Variants in PLXNA4 observed in about 807,000 individuals in gnomAD.
PLXNA4 encodes plexin A4.
In PLXNA4, 44 loss-of-function variants were observed where a neutral mutation model predicts 191.8. The observed-to-expected ratio is 0.23, with a 90% CI of 0.18 to 0.29. The LOEUF is 0.29. Ranked by LOEUF, PLXNA4 falls within the 10% of genes least tolerant of loss-of-function variation. The pLI is 1.00. For synonymous variants in PLXNA4, 1,082 were observed against 1,009.5 expected (o/e 1.07, Z -1.36); for missense variants, 1,800 against 2,488.8 (o/e 0.72, Z 5.89).
At chr7:132,330,197 G>A (rs948271048) in intron 3 of PLXNA4, among the ~76,000 whole-genome samples, 4 of 152,202 alleles carry the variant, frequency 2.6e-5, no homozygotes, top group African/African-American at 9.6e-5. Context: ...GACCTGGATT[G>A]TTTGGGGGCA....
intron 1 of PLXNA4, among the ~76,000 whole-genome samples, chr7:132,647,071 TCATA>T (rs1326675370): frequency 2.0e-5 from 3 of 150,962 alleles, no homozygotes; most frequent in Non-Finnish European, 4.4e-5. Context: ...ACACATGCTG[TCATA>T]CATTCACAAA....
At chr7:132,406,667 A>C (rs1279055125) in intron 3 of PLXNA4, among the ~76,000 whole-genome samples, 1 of 152,212 alleles carries the variant, frequency 6.6e-6, no homozygotes, top group Non-Finnish European at 1.5e-5. Flanking sequence ...TACCTCATCC[A>C]GCCTTCTGTT....
At chr7:132,417,019 G>A (rs1794684134) in intron 3 of PLXNA4, among the ~76,000 whole-genome samples, 1 of 152,020 alleles carries the variant, frequency 6.6e-6, no homozygotes, top group African/African-American at 2.4e-5. Flanking sequence ...ATCCTGCCAT[G>A]CCTATATAAG....
At chr7:132,282,971 G>A (rs891555892) in intron 4 of PLXNA4, among the ~76,000 whole-genome samples, 1 of 151,796 alleles carries the variant, frequency 6.6e-6, no homozygotes, top group Non-Finnish European at 1.5e-5. Context: ...CGATCTCCTG[G>A]GCTCAAGTGA....
chr7:132,647,252 C>T (rs1488190737), intron 1 of PLXNA4, among the ~76,000 whole-genome samples: 3 of 151,414 alleles, frequency 2.0e-5, no homozygotes, highest in African/African-American at 7.3e-5. Context: ...GACATACACA[C>T]AGACATGCAG....
chr7:132,491,506 C>T (rs1351888954), intron 2 of PLXNA4, among the ~76,000 whole-genome samples: 1 of 152,146 alleles, frequency 6.6e-6, no homozygotes, highest in Non-Finnish European at 1.5e-5. Context: ...ACGGGGAGAG[C>T]GTGGGCAAGC....
intron 3 of PLXNA4, among the ~76,000 whole-genome samples, chr7:132,300,687 C>T (rs1054227762): frequency 1.3e-5 from 2 of 152,204 alleles, no homozygotes; most frequent in African/African-American, 2.4e-5. Flanking sequence ...CCAAGTCTGA[C>T]CGTGCAATGA....
intron 3 of PLXNA4, among the ~76,000 whole-genome samples, chr7:132,321,812 C>T (rs971809841): frequency 1.3e-5 from 2 of 151,826 alleles, no homozygotes; most frequent in African/African-American, 4.8e-5. Context: ...AGCCTGTATG[C>T]GGGTGGCCAC....
At chr7:132,350,500 T>C (rs1051229303) in intron 3 of PLXNA4, among the ~76,000 whole-genome samples, 1 of 151,830 alleles carries the variant, frequency 6.6e-6, no homozygotes, top group Non-Finnish European at 1.5e-5. Flanking sequence ...TGGGAGTCTG[T>C]CTCAAAAAAT....
At chr7:132,167,108 C>T (rs1008394803) in intron 22 of PLXNA4, among the ~76,000 whole-genome samples, 1 of 152,096 alleles carries the variant, frequency 6.6e-6, no homozygotes, top group African/African-American at 2.4e-5. Flanking sequence ...AATGACATGA[C>T]GTGGGAGTTT....
intron 3 of PLXNA4, among the ~76,000 whole-genome samples, chr7:132,426,090 C>T (rs2117170034): frequency 6.6e-6 from 1 of 152,370 alleles, no homozygotes; most frequent in East Asian, 1.9e-4. Flanking sequence ...GGATTCATTC[C>T]TGCCTCAGAA....
chr7:132,166,085 T>G (rs973689747), intron 22 of PLXNA4, among the ~76,000 whole-genome samples: 4 of 151,964 alleles, frequency 2.6e-5, no homozygotes, highest in African/African-American at 9.7e-5. Context: ...TAACCCCAGC[T>G]ACTTGGGAGG....
chr7:132,585,047 A>T (rs992612960), intron 2 of PLXNA4, among the ~76,000 whole-genome samples: 1 of 152,046 alleles, frequency 6.6e-6, no homozygotes, highest in Admixed American at 6.6e-5. Context: ...GCCTAGGCAG[A>T]CAGCTCGGTG....
At chr7:132,330,153 G>A (rs1802534712) in intron 3 of PLXNA4, among the ~76,000 whole-genome samples, 2 of 152,282 alleles carry the variant, frequency 1.3e-5, no homozygotes, top group East Asian at 1.9e-4. Flanking sequence ...ACTAGTATAA[G>A]GCACAGCCAG....
At chr7:132,246,094 T>C (rs1799040859) in intron 4 of PLXNA4, among the ~76,000 whole-genome samples, 1 of 152,204 alleles carries the variant, frequency 6.6e-6, no homozygotes, top group Non-Finnish European at 1.5e-5. Flanking sequence ...TTATGTGTAT[T>C]TTACCACAAT....
intron 1 of PLXNA4, among the ~76,000 whole-genome samples, chr7:132,535,308 G>A (rs1348212193): frequency 6.6e-6 from 1 of 152,230 alleles, no homozygotes; most frequent in African/African-American, 2.4e-5. Context: ...AAACATCAGA[G>A]ACCAAACGTC....
At position 132,511,051 on chromosome 7, in the gene PLXNA4, G is replaced by A. The variant is rs1011527454; in HGVS notation, c.-86-2272C>T. The stretch of plus-strand genomic sequence containing the variant: ...TGCAGAAGGAGAGTTTGGAGCTGAG[G>A]GTCTGTGAACTCCACAGGGCAGGGC... On this transcript the variant is annotated intron_variant, in intron 1 of 31. Coordinates refer to ENST00000321063, the MANE Select transcript of PLXNA4 (RefSeq NM_020911.2). 3.3e-5 allele frequency among the ~76,000 whole-genome samples: 5 copies of A among 152,060 alleles called. No individual in the cohort carries two copies. The East Asian group carries it at 7.7e-4, about 23-fold the overall frequency.
At chr7:132,279,614 G>A (rs1403928510) in intron 4 of PLXNA4, among the ~76,000 whole-genome samples, 1 of 151,988 alleles carries the variant, frequency 6.6e-6, no homozygotes, top group Non-Finnish European at 1.5e-5. Flanking sequence ...CAGTCTGGGA[G>A]ACAGAGTGAG....
intron 29 of PLXNA4, among the ~76,000 whole-genome samples, chr7:132,141,190 C>T (rs1249948683): frequency 6.6e-6 from 1 of 152,160 alleles, no homozygotes; most frequent in Non-Finnish European, 1.5e-5. Context: ...AAGCCTGGTA[C>T]AAGAGCATCT....
Sources: allele counts gnomAD v4.1 joint callset (sites outside exome capture counted in the v4.1 genomes callset), GRCh38; gene constraint gnomAD v4.1.1; transcripts MANE v1.5; gene names NCBI Gene and HGNC (gene_info 2026-07-23, HGNC 2026-07-21).